Variants in LRRC37A2 observed in about 807,000 individuals in gnomAD.
The protein encoded by LRRC37A2 is leucine-rich repeat-containing protein 37A2.
In LRRC37A2, 9 loss-of-function variants were observed where a neutral mutation model predicts 68.8. The observed-to-expected ratio is 0.13, with a 90% CI of 0.08 to 0.23. The LOEUF is 0.23. Ranked by LOEUF, LRRC37A2 falls within the 10% of genes least tolerant of loss-of-function variation. The pLI, the probability that LRRC37A2 is intolerant of heterozygous loss-of-function variation, is 1.00. For missense variants in LRRC37A2, 168 were observed against 950.4 expected (o/e 0.18, Z 10.82); for synonymous variants, 63 against 367.6 (o/e 0.17, Z 9.48).
chr17:46,865,757 C>A, the LRRC37A2 span, among the ~76,000 whole-genome samples: 1 of 152,132 alleles, frequency 6.6e-6, no homozygotes, highest in African/African-American at 2.4e-5. Flanking sequence ...AGGCACGTGC[C>A]ACCATGCCCA....
chr17:46,839,928 C>A, the LRRC37A2 span, among the ~76,000 whole-genome samples: 14 of 125,748 alleles, frequency 1.1e-4, no homozygotes, highest in Non-Finnish European at 2.1e-4. Flanking sequence ...TTCTTTCTTT[C>A]TTTCTTTCTT....
the LRRC37A2 span, among the ~76,000 whole-genome samples, chr17:47,000,060 AAATTAAAATAAAATAAAAAAT>A: frequency 3.0e-4 from 8 of 26,522 alleles, 1 homozygote; most frequent in Non-Finnish European, 3.9e-4. Context: ...AAATAAAATA[AAATTAAAATAAAATAAAAAAT>A]AAAATAAAAT....
the LRRC37A2 span, among the ~76,000 whole-genome samples, chr17:46,896,452 A>AAAG: frequency 0.015 from 967 of 65,884 alleles, 28 homozygotes; most frequent in East Asian, 0.028. Context: ...GAAAGAAAGA[A>AAAG]AAAGAAAGAA....
the LRRC37A2 span, among the ~76,000 whole-genome samples, chr17:47,026,138 A>G: frequency 2.0e-5 from 3 of 152,034 alleles, no homozygotes; most frequent in Admixed American, 1.3e-4. Flanking sequence ...ACCCAGGAGG[A>G]TGTTACTAGA....
the LRRC37A2 span, among the ~76,000 whole-genome samples, chr17:46,883,666 A>T: frequency 6.6e-6 from 1 of 152,182 alleles, no homozygotes; most frequent in South Asian, 2.1e-4. Context: ...GCTGGAAATG[A>T]AACAGCTTCT....
chr17:47,031,283 G>T, the LRRC37A2 span, among the ~76,000 whole-genome samples: 1 of 148,418 alleles, frequency 6.7e-6, no homozygotes. Flanking sequence ...TTTTGCATTG[G>T]GGAAAGGAGG....
At chr17:46,738,904 C>A in the LRRC37A2 span, among the ~76,000 whole-genome samples, 2 of 152,162 alleles carry the variant, frequency 1.3e-5, no homozygotes, top group Non-Finnish European at 2.9e-5. Flanking sequence ...GACTTCTAGA[C>A]CAGCCTGGGC....
chr17:46,791,866 G>A, the LRRC37A2 span, among the ~76,000 whole-genome samples: 365 of 152,174 alleles, frequency 2.4e-3, 1 homozygote, highest in African/African-American at 8.5e-3. Flanking sequence ...ACAGCGAGAC[G>A]CTGTCTCTAC....
At chr17:46,951,400 AG>A in the LRRC37A2 span, among the ~76,000 whole-genome samples, 1 of 152,142 alleles carries the variant, frequency 6.6e-6, no homozygotes, top group African/African-American at 2.4e-5. Context: ...TTCCCACCCC[AG>A]CTTTCTGAGC....
At chr17:46,931,308 T>G in the LRRC37A2 span, 1 of 739,998 alleles carries the variant, frequency 1.4e-6, no homozygotes, top group Non-Finnish European at 2.5e-6. Context: ...CCAACGTACA[T>G]GTTGAAAAAC....
chr17:46,922,385 T>C, the LRRC37A2 span, among the ~76,000 whole-genome samples: 1 of 152,120 alleles, frequency 6.6e-6, no homozygotes, highest in African/African-American at 2.4e-5. Context: ...CTAATGTAAA[T>C]GACGAGTTAA....
At chr17:47,022,634 ATTTGT>A in the LRRC37A2 span, among the ~76,000 whole-genome samples, 1 of 152,118 alleles carries the variant, frequency 6.6e-6, no homozygotes, top group African/African-American at 2.4e-5. Flanking sequence ...AGCAAAATAG[ATTTGT>A]TTTGTGGTTT....
rs1483136445 is a variant in LRRC37A2 at position 46,548,316 on chromosome 17, A to G, written c.3177A>G (p.Glu1059=). ...CAGTCTCTTCTTTTTTGACAGCTGAAGAAGCATCGGTAGGGAATCCAGAAG... is the reference window on the plus strand; with the variant it reads ...CAGTCTCTTCTTTTTTGACAGCTGAGGAAGCATCGGTAGGGAATCCAGAAG... Residue 1059 remains glutamate (E), a synonymous_variant, in exon 10 of 15, where the codon GAA becomes GAG. Coordinates refer to ENST00000576629, the Ensembl canonical transcript of LRRC37A2. The G allele has an allele frequency of 8.8e-6, 4 of 456,770 alleles. No individual in the cohort carries two copies. In the East Asian group the frequency reaches 1.4e-4, roughly 16 times the overall value. The allele number at this position is 456,770 out of a possible 1,614,324, so 28.3% of individuals were successfully genotyped here.
At chr17:46,926,031 T>C in the LRRC37A2 span, among the ~76,000 whole-genome samples, 6 of 152,204 alleles carry the variant, frequency 3.9e-5, no homozygotes, top group African/African-American at 1.4e-4. Context: ...TTATCGTATG[T>C]CCAGGACACA....
chr17:46,714,659 G>A, the LRRC37A2 span, among the ~76,000 whole-genome samples: 5 of 152,138 alleles, frequency 3.3e-5, no homozygotes, highest in Admixed American at 6.5e-5. Context: ...AAAAATCAAT[G>A]ATGAAGACTT....
At chr17:46,622,273 C>T in the LRRC37A2 span, among the ~76,000 whole-genome samples, 6 of 145,320 alleles carry the variant, frequency 4.1e-5, no homozygotes, top group East Asian at 2.1e-4. Context: ...CTGGCTAACA[C>T]GGTGAAACCC....
the LRRC37A2 span, among the ~76,000 whole-genome samples, chr17:46,899,157 A>G: frequency 3.9e-5 from 6 of 152,144 alleles, no homozygotes; most frequent in Non-Finnish European, 8.8e-5. Context: ...TGGGAGGCTG[A>G]GGCTGGCGGA....
At chr17:46,797,981 T>G in the LRRC37A2 span, among the ~76,000 whole-genome samples, 1 of 152,192 alleles carries the variant, frequency 6.6e-6, no homozygotes, top group African/African-American at 2.4e-5. Flanking sequence ...CAGGCTGGAG[T>G]GCAGTGGCGT....
the LRRC37A2 span, chr17:46,934,989 GA>G: frequency 6.3e-7 from 1 of 1,598,934 alleles, no homozygotes; most frequent in Non-Finnish European, 8.6e-7. Context: ...GGAACTGACT[GA>G]TAAGCAAAGT....
Sources: allele counts gnomAD v4.1 joint callset (sites outside exome capture counted in the v4.1 genomes callset), GRCh38; gene constraint gnomAD v4.1.1; transcripts MANE v1.5; gene names NCBI Gene and HGNC (gene_info 2026-07-23, HGNC 2026-07-21).